Variants in USP6NL observed in about 807,000 individuals in gnomAD.
The protein encoded by USP6NL is USP6 N-terminal like.
USP6NL carries 26 observed loss-of-function variants against 61.9 expected under a neutral mutation model. The observed-to-expected ratio is 0.42, with a 90% confidence interval of 0.31 to 0.58. The LOEUF (loss-of-function observed/expected upper bound fraction) is 0.58, where lower values mean the gene tolerates loss of function less well. USP6NL is among the 20% of genes least tolerant of loss of function. The pLI is 0.16. For missense variants in USP6NL, 1,114 were observed against 1,034.3 expected (o/e 1.08, Z -1.06); for synonymous variants, 432 against 390.1 (o/e 1.11, Z -1.27).
chr10:11,464,570 A>C (rs774545121), intron 14 of USP6NL, among the ~76,000 whole-genome samples: 1 of 152,154 alleles, frequency 6.6e-6, no homozygotes, highest in Non-Finnish European at 1.5e-5. Flanking sequence ...CTCCTCCACT[A>C]TACCACCGTG....
intron 2 of USP6NL, chr10:11,573,926 C>CAAA: frequency 2.9e-6 from 1 of 349,912 alleles, no homozygotes; most frequent in Non-Finnish European, 5.1e-6. Context: ...GCCCCATCCT[C>CAAA]AAAGTCCAAA....
rs768595363 is a variant in USP6NL, at chr10:11,548,314, C to T, written c.5-20747G>A. Among the ~76,000 whole-genome samples the T allele has an allele frequency of 1.3e-5, 2 of 152,184 alleles. No homozygotes were observed. Among genetic ancestry groups the T allele is most frequent in the Admixed American group, 6.5e-5 (1 of 15,276 alleles). On this transcript the variant is annotated intron_variant, in intron 2 of 14. Coordinates refer to ENST00000609104, the MANE Select transcript of USP6NL (RefSeq NM_014688.5). This position sits in a 1 kb window ranked among gnomAD's most constrained non-coding sequence, Gnocchi z 4.3. ...TGGTGGGAGAACAGCAGCACTATTACCTCCTTTGATCTGCAAACAAATATC... is the reference window on the plus strand; with the variant it reads ...TGGTGGGAGAACAGCAGCACTATTATCTCCTTTGATCTGCAAACAAATATC...
chr10:11,604,983 T>C (rs12572871), intron 1 of USP6NL, among the ~76,000 whole-genome samples: 13,295 of 152,214 alleles, frequency 0.087, 1,020 homozygotes, highest in East Asian at 0.43. Flanking sequence ...ATGTGAGTGA[T>C]TACACAGTCA....
At chr10:11,488,701 T>C (rs1050094639) in intron 10 of USP6NL, among the ~76,000 whole-genome samples, 2 of 152,220 alleles carry the variant, frequency 1.3e-5, no homozygotes, top group African/African-American at 4.8e-5. Flanking sequence ...TTGTTATATA[T>C]CACAATATCC....
At chr10:11,480,598 G>A (rs974409237) in intron 14 of USP6NL, among the ~76,000 whole-genome samples, 1 of 152,216 alleles carries the variant, frequency 6.6e-6, no homozygotes, top group Non-Finnish European at 1.5e-5. Flanking sequence ...CTTCCTAGGA[G>A]CCTGGATGAC....
At chr10:11,588,696 G>A (rs1397576678) in intron 2 of USP6NL, among the ~76,000 whole-genome samples, 2 of 152,098 alleles carry the variant, frequency 1.3e-5, no homozygotes, top group Admixed American at 1.3e-4. Flanking sequence ...AGCTAGAAAA[G>A]CTTATCTTTT....
In USP6NL at chr10:11,527,580, C is replaced by A. The variant is rs1407080586; in HGVS notation, c.5-13G>T. On this transcript the variant is annotated splice_polypyrimidine_tract_variant and intron_variant, in intron 2 of 14. Transcript: ENST00000609104. ...TCCTGGTCTGAATCTGTGGAGAAGA[C>A]ATCAAATTTAGATGAATTGTCATTG... The A allele has an allele frequency of 6.2e-7, 1 of 1,601,684 alleles. No homozygotes were observed. The highest frequency in any genetic ancestry group is 1.7e-5 in the Admixed American group (1 of 58,474).
intron 2 of USP6NL, among the ~76,000 whole-genome samples, chr10:11,586,669 A>G (rs563494877): frequency 6.6e-6 from 1 of 152,292 alleles, no homozygotes; most frequent in South Asian, 2.1e-4. Context: ...CCATTTTCAA[A>G]ATATATTTAT....
At position 11,478,356 on chromosome 10, in the gene USP6NL, G is replaced by A. The variant is rs1465849471; in HGVS notation, c.1078+3414C>T. On this transcript the variant is annotated intron_variant, in intron 14 of 14. Transcript: ENST00000609104. The surrounding 1 kb of genome is among the most constrained non-coding windows in gnomAD (Gnocchi z 6.8). The stretch of plus-strand genomic sequence containing the variant: ...CAGCCACGTTTCATATGGTACACGA[G>A]TGGGGGATGGAATGTGAGACCAGAA... Among the ~76,000 whole-genome samples the A allele has an allele frequency of 4.6e-5, 7 of 152,218 alleles. No homozygotes were observed. The highest frequency in any genetic ancestry group is 1.0e-4 in the Non-Finnish European group (7 of 68,036).
At chr10:11,539,704 C>G (rs1835974987) in intron 2 of USP6NL, among the ~76,000 whole-genome samples, 1 of 152,220 alleles carries the variant, frequency 6.6e-6, no homozygotes, top group African/African-American at 2.4e-5. Context: ...TATATTTTAG[C>G]TGCTTTTGCA....
Position 11,537,959 on chromosome 10 carries a change from G to T in USP6NL, c.5-10392C>A, listed in dbSNP as rs1036591140. 6.6e-6 allele frequency among the ~76,000 whole-genome samples: 1 copy of T among 152,222 alleles called. No individual in the cohort carries two copies. The highest frequency in any genetic ancestry group is 1.5e-5 in the Non-Finnish European group (1 of 68,030). Reference sequence around the variant, plus strand: ...ACAGTGTCGATATAATTGGTAGGTTGCTTGTTTTGTTTTTGTAAGCACATG... The same window carrying T: ...ACAGTGTCGATATAATTGGTAGGTTTCTTGTTTTGTTTTTGTAAGCACATG... On this transcript the variant is annotated intron_variant, in intron 2 of 14. Transcript: ENST00000609104. The surrounding 1 kb of genome is among the most constrained non-coding windows in gnomAD (Gnocchi z 5.1).
intron 1 of USP6NL, among the ~76,000 whole-genome samples, chr10:11,609,756 G>A (rs982388252): frequency 6.6e-6 from 1 of 152,218 alleles, no homozygotes; most frequent in African/African-American, 2.4e-5. Context: ...GGAGACTCAG[G>A]TTGGATCTGC....
intron 5 of USP6NL, among the ~76,000 whole-genome samples, chr10:11,512,426 G>T (rs900122269): frequency 2.0e-5 from 3 of 152,084 alleles, no homozygotes; most frequent in Non-Finnish European, 4.4e-5. Flanking sequence ...GATGAAAACA[G>T]AAGCTCCCTG....
At chr10:11,559,438 A>G (rs929998811) in intron 2 of USP6NL, among the ~76,000 whole-genome samples, 2 of 152,182 alleles carry the variant, frequency 1.3e-5, no homozygotes, top group African/African-American at 2.4e-5. Context: ...TCAACACGCA[A>G]AATTTACACA....
chr10:11,497,112 T>TTTTTTTTG (rs1325634631), intron 7 of USP6NL, among the ~76,000 whole-genome samples: 1 of 129,956 alleles, frequency 7.7e-6, no homozygotes, highest in African/African-American at 2.8e-5. Context: ...TTTTTTTTTT[T>TTTTTTTTG]TAAGATAATG....
At chr10:11,545,617 C>T (rs530387665) in intron 2 of USP6NL, among the ~76,000 whole-genome samples, 2 of 152,310 alleles carry the variant, frequency 1.3e-5, no homozygotes, top group South Asian at 4.1e-4. Context: ...TCAGAACTGG[C>T]TCAAATATCT....
rs2096217456 is a variant in USP6NL at position 11,462,295 on chromosome 10, A to G, written c.*146T>C. On this transcript the variant is annotated 3_prime_UTR_variant, in exon 15 of 15. Coordinates refer to ENST00000609104, the MANE Select transcript of USP6NL (RefSeq NM_014688.5). Reference sequence around the variant, plus strand: ...AAGCAGCATCTACGTGGGGCTGAAGACATTTCCCTGTATTCTTACTACTAA... The same window carrying G: ...AAGCAGCATCTACGTGGGGCTGAAGGCATTTCCCTGTATTCTTACTACTAA... The G allele has an allele frequency of 3.1e-6, 3 of 969,308 alleles. No homozygotes were observed. The South Asian group carries it at 5.3e-5, about 17-fold the overall frequency. 60.0% of individuals were successfully genotyped at this position (969,308 alleles called of 1,614,324 possible). A position where few individuals can be genotyped will look rare whatever the true frequency, so the allele number is the denominator to read the frequency against.
At chr10:11,604,318 T>C (rs1364927800) in intron 1 of USP6NL, among the ~76,000 whole-genome samples, 1 of 152,220 alleles carries the variant, frequency 6.6e-6, no homozygotes, top group Non-Finnish European at 1.5e-5. Flanking sequence ...TCTAATTTCC[T>C]TAGCGGTATA....
intron 2 of USP6NL, among the ~76,000 whole-genome samples, chr10:11,579,201 C>T (rs1259594367): frequency 6.6e-6 from 1 of 152,140 alleles, no homozygotes; most frequent in African/African-American, 2.4e-5. Flanking sequence ...CAAAGTAGCA[C>T]CAAAACCAAT....
Sources: gnomAD v4.1 joint callset for allele counts (sites outside exome capture counted in the v4.1 genomes callset) on GRCh38, gnomAD v4.1.1 for gene constraint, Gnocchi (gnomAD v3.1) non-coding constraint, MANE v1.5 for transcripts, NCBI Gene and HGNC (gene_info 2026-07-23, HGNC 2026-07-21) for gene names.